The following CSMD3 variants were observed in gnomAD, a reference collection of about 807,000 sequenced individuals.
The protein encoded by CSMD3 is CUB and Sushi multiple domains 3.
CSMD3 carries 177 observed loss-of-function variants against 435.2 expected under a neutral mutation model. The observed-to-expected ratio is 0.41, with a 90% CI of 0.36 to 0.46. The LOEUF is 0.46. Among genes scored for constraint, CSMD3 ranks in the 20% least tolerant of loss-of-function variants. The probability of loss-of-function intolerance (pLI) is 0.34; values close to 1 mark genes in which losing one functional copy is unlikely to be tolerated. For missense variants in CSMD3, 4,265 were observed against 4,504.6 expected, an observed-to-expected ratio of 0.95 and a Z score of 1.52; for synonymous variants, 1,656 against 1,520.5, an observed-to-expected ratio of 1.09 and a Z score of -2.07.
intron 59 of CSMD3, among the ~76,000 whole-genome samples, chr8:112,272,237 A>G (rs912664560): frequency 3.3e-5 from 5 of 152,212 alleles, no homozygotes; most frequent in African/African-American, 1.2e-4. Context: ...CAAATAGACT[A>G]AGACATTCGG....
chr8:113,227,143 A>G (rs973102368), intron 3 of CSMD3, among the ~76,000 whole-genome samples: 4 of 151,616 alleles, frequency 2.6e-5, no homozygotes, highest in Non-Finnish European at 3.0e-5. Flanking sequence ...TTATTCATTT[A>G]TCAAAAAATG....
intron 36 of CSMD3, among the ~76,000 whole-genome samples, chr8:112,387,037 A>G (rs1830037440): frequency 6.6e-6 from 1 of 151,464 alleles, no homozygotes; most frequent in South Asian, 2.1e-4. Flanking sequence ...CCCATGGCTT[A>G]TTACATAAAT....
chr8:112,662,625 T>C (rs2075414598), intron 17 of CSMD3, among the ~76,000 whole-genome samples: 1 of 152,214 alleles, frequency 6.6e-6, no homozygotes, highest in African/African-American at 2.4e-5. Context: ...AGGGACTTCA[T>C]GTCTAAAACA....
chr8:112,558,380 A>G (rs1256988745), intron 24 of CSMD3, among the ~76,000 whole-genome samples: 1 of 151,918 alleles, frequency 6.6e-6, no homozygotes, highest in Non-Finnish European at 1.5e-5. Flanking sequence ...TTGAACAAAC[A>G]GGCTTGCTGG....
chr8:112,952,801 A>AT (rs1278700533), intron 8 of CSMD3, among the ~76,000 whole-genome samples: 1 of 151,542 alleles, frequency 6.6e-6, no homozygotes, highest in African/African-American at 2.4e-5. Flanking sequence ...GCAAATTAAC[A>AT]TTTTTGCCTC....
intron 6 of CSMD3, among the ~76,000 whole-genome samples, chr8:112,980,140 A>G (rs2130957571): frequency 6.6e-6 from 1 of 150,752 alleles, no homozygotes; most frequent in East Asian, 2.0e-4. Context: ...ATACCTCATG[A>G]TAGAATTTGA....
intron 3 of CSMD3, among the ~76,000 whole-genome samples, chr8:113,251,069 T>A (rs1428616290): frequency 6.6e-6 from 1 of 152,126 alleles, no homozygotes; most frequent in African/African-American, 2.4e-5. Flanking sequence ...ACTTTATTCT[T>A]TACAAGTTAT....
intron 1 of CSMD3, among the ~76,000 whole-genome samples, chr8:113,323,027 C>T (rs1168441610): frequency 6.6e-6 from 1 of 152,120 alleles, no homozygotes; most frequent in Non-Finnish European, 1.5e-5. Flanking sequence ...GGATTACAGG[C>T]GTGAGCCACC....
intron 14 of CSMD3, among the ~76,000 whole-genome samples, chr8:112,688,690 T>C (rs574045965): frequency 6.6e-6 from 1 of 152,186 alleles, no homozygotes; most frequent in South Asian, 2.1e-4. Flanking sequence ...CTGAATGTAT[T>C]CTCTTTTAAA....
At chr8:112,686,332 G>A (rs889562681) in intron 14 of CSMD3, among the ~76,000 whole-genome samples, 1 of 151,968 alleles carries the variant, frequency 6.6e-6, no homozygotes, top group South Asian at 2.1e-4. Context: ...TTCTCCTCCA[G>A]TTTTTTTAAC....
At chr8:113,199,634 G>C (rs1382733495) in intron 3 of CSMD3, among the ~76,000 whole-genome samples, 1 of 151,666 alleles carries the variant, frequency 6.6e-6, no homozygotes, top group African/African-American at 2.4e-5. Flanking sequence ...CATTTTCATG[G>C]AGGATGGGAA....
At chr8:112,700,275 C>T (rs190974822) in intron 13 of CSMD3, among the ~76,000 whole-genome samples, 1,683 of 151,730 alleles carry the variant, frequency 0.011, 32 homozygotes, top group African/African-American at 0.039. Context: ...CCAAGGAAGG[C>T]GGATCACCTG....
chr8:112,549,672 A>G (rs542765902), intron 27 of CSMD3, among the ~76,000 whole-genome samples: 114 of 152,168 alleles, frequency 7.5e-4, no homozygotes, highest in African/African-American at 2.7e-3. Flanking sequence ...TAAAAATAAT[A>G]GTTCATTAGG....
At chr8:113,167,169 T>C (rs1051918137) in intron 4 of CSMD3, among the ~76,000 whole-genome samples, 4 of 152,094 alleles carry the variant, frequency 2.6e-5, no homozygotes, top group African/African-American at 7.2e-5. Context: ...CCCAGGCACA[T>C]GTTTAACTGT....
chr8:113,162,626 A>T (rs371723668), intron 4 of CSMD3, among the ~76,000 whole-genome samples: 6 of 151,486 alleles, frequency 4.0e-5, no homozygotes, highest in Non-Finnish European at 8.8e-5. Context: ...CTTGAATTCC[A>T]ATCCTAGATT....
At chr8:112,981,294 G>A (rs2085045124) in intron 6 of CSMD3, among the ~76,000 whole-genome samples, 1 of 151,386 alleles carries the variant, frequency 6.6e-6, no homozygotes, top group Non-Finnish European at 1.5e-5. Context: ...GTAAAAAGAA[G>A]TTCATCTTAG....
chr8:112,560,999 G>A (rs953845036), intron 24 of CSMD3, among the ~76,000 whole-genome samples: 3 of 151,688 alleles, frequency 2.0e-5, no homozygotes, highest in Admixed American at 6.6e-5. Flanking sequence ...GGGCATTGCT[G>A]GTGATGAGGT....
At chr8:112,609,220 A>AAAAAAAAAAAAAAAAAAAG (rs1833051782) in intron 22 of CSMD3, among the ~76,000 whole-genome samples, 1 of 143,698 alleles carries the variant, frequency 7.0e-6, no homozygotes, top group African/African-American at 2.7e-5. Context: ...AAAAAAAAAA[A>AAAAAAAAAAAAAAAAAAAG]AAAAAAAAAA....
At chr8:113,143,733 C>T (rs1198525085) in intron 4 of CSMD3, among the ~76,000 whole-genome samples, 6 of 151,320 alleles carry the variant, frequency 4.0e-5, no homozygotes, top group Non-Finnish European at 8.9e-5. Context: ...ATTTATACAA[C>T]GTTCTTAAAA....
Sources: allele counts gnomAD v4.1 joint callset (sites outside exome capture counted in the v4.1 genomes callset), GRCh38; gene constraint gnomAD v4.1.1; transcripts MANE v1.5; gene names NCBI Gene and HGNC (gene_info 2026-07-23, HGNC 2026-07-21).